DIAPH2: variants seen among roughly 807,000 people sequenced by gnomAD.
DIAPH2 encodes the protein diaphanous related formin 2.
Under a neutral mutation model 92.7 loss-of-function variants are expected in DIAPH2, and 35 were observed. That is an observed-to-expected ratio of 0.38 (90% CI 0.29 to 0.50). DIAPH2 has a LOEUF of 0.50. Ranked by LOEUF, DIAPH2 falls within the 20% of genes least tolerant of loss-of-function variation. The probability of loss-of-function intolerance (pLI) is 0.94; values close to 1 mark genes in which losing one functional copy is unlikely to be tolerated. For synonymous variants in DIAPH2, 301 were observed against 280.4 expected (o/e 1.07, Z -0.73); for missense variants, 701 against 819.5 (o/e 0.86, Z 1.77).
At chrX:96,710,971 A>G (rs1425520694) in intron 1 of DIAPH2, among the ~76,000 whole-genome samples, 1 of 112,190 alleles carries the variant, frequency 8.9e-6, no homozygotes, top group Non-Finnish European at 1.9e-5. Context: ...TTCACTTAGA[A>G]TAATTGTCTC....
Position 96,734,122 on chromosome X carries a change from C to T in DIAPH2, c.133-1636C>T, listed in dbSNP as rs184374156. 2.7e-5 allele frequency among the ~76,000 whole-genome samples: 3 copies of T among 112,331 alleles called. No individual in the cohort carries two copies. The East Asian group carries it at 8.4e-4, about 31-fold the overall frequency. On this transcript the variant is annotated intron_variant, in intron 1 of 26. Coordinates refer to ENST00000324765, the MANE Select transcript of DIAPH2 (RefSeq NM_006729.5). ...CTGTCTCCCATGATTAAACTGTCAA[C>T]ATGTATTCAATTGAGATACAGATTT...
intron 24 of DIAPH2, among the ~76,000 whole-genome samples, chrX:97,371,541 G>C: frequency 9.0e-6 from 1 of 111,545 alleles, no homozygotes; most frequent in South Asian, 3.8e-4. Context: ...AGTATCAGAA[G>C]AGGTTCCTGA....
chrX:97,419,160 A>G (rs2069980920), intron 25 of DIAPH2, among the ~76,000 whole-genome samples: 1 of 111,468 alleles, frequency 9.0e-6, no homozygotes, highest in South Asian at 3.8e-4. Flanking sequence ...CCTGAGCTCA[A>G]GAGATCCTCC....
chrX:97,335,687 A>C (rs779405010), intron 23 of DIAPH2, among the ~76,000 whole-genome samples: 1 of 112,049 alleles, frequency 8.9e-6, no homozygotes, highest in Non-Finnish European at 1.9e-5. Context: ...TACATACTGC[A>C]TACTCTTCTC....
rs185528160 is a variant in DIAPH2, at chrX:97,424,371, A to G, written c.3146-5279A>G. Among the ~76,000 whole-genome samples the G allele has an allele frequency of 4.5e-5, 5 of 111,436 alleles. No individual in the cohort carries two copies. The East Asian group carries it at 1.4e-3, about 31-fold the overall frequency. On this transcript the variant is annotated intron_variant, in intron 25 of 26. Coordinates refer to ENST00000324765, the MANE Select transcript of DIAPH2 (RefSeq NM_006729.5). The stretch of plus-strand genomic sequence containing the variant: ...TTCTTGGGAATGTGGGTGGAAAAAC[A>G]TCTTAGATATTGCAATGGTTTGTAG...
At chrX:97,249,673 G>A (rs1305015392) in intron 23 of DIAPH2, among the ~76,000 whole-genome samples, 2 of 111,911 alleles carry the variant, frequency 1.8e-5, no homozygotes, top group East Asian at 5.6e-4. Flanking sequence ...TCTAGAAAGA[G>A]ACGAACGAAA....
intron 1 of DIAPH2, among the ~76,000 whole-genome samples, chrX:96,722,358 G>GA (rs758634410): frequency 6.0e-4 from 62 of 102,831 alleles, no homozygotes; most frequent in African/African-American, 1.7e-3. Flanking sequence ...CTCCGTCTTA[G>GA]AAAAAAAAAA....
chrX:97,275,829 G>A lies in DIAPH2; in HGVS notation c.2844+27990G>A, dbSNP rs1246252578. On this transcript the variant is annotated intron_variant, in intron 23 of 26. Transcript: ENST00000324765. The stretch of plus-strand genomic sequence containing the variant: ...GGGCAGAGGGGCTCCTCACATCTCA[G>A]ATGATGGGCGGCCAGGCAGAGACGC... 1.1e-4 allele frequency among the ~76,000 whole-genome samples: 12 copies of A among 111,599 alleles called. No individual in the cohort carries two copies. The Admixed American group carries it at 1.1e-3, about 11-fold the overall frequency.
intron 22 of DIAPH2, among the ~76,000 whole-genome samples, chrX:97,161,453 TGCAATGGCAC>T (rs1008208197): frequency 5.5e-5 from 6 of 109,947 alleles, no homozygotes; most frequent in Non-Finnish European, 1.1e-4. Flanking sequence ...CAGGCTGGAG[TGCAATGGCAC>T]GATATTGGCT....
At chrX:97,510,718 T>G (rs1272669425) in intron 26 of DIAPH2, among the ~76,000 whole-genome samples, 1 of 95,910 alleles carries the variant, frequency 1.0e-5, no homozygotes, top group Non-Finnish European at 2.1e-5. Context: ...AGTTTCAGCT[T>G]TCTACATATG....
At chrX:97,215,375 T>G (rs983699451) in intron 22 of DIAPH2, among the ~76,000 whole-genome samples, 1 of 112,080 alleles carries the variant, frequency 8.9e-6, no homozygotes, top group African/African-American at 3.2e-5. Context: ...GTATGAATCA[T>G]TCATGTACAC....
intron 19 of DIAPH2, among the ~76,000 whole-genome samples, chrX:97,091,896 G>A (rs191391792): frequency 6.3e-5 from 7 of 111,725 alleles, no homozygotes; most frequent in South Asian, 7.5e-4. Flanking sequence ...ATGGTGGAGG[G>A]CGGGGGTGTT....
At chrX:97,505,946 C>A in intron 26 of DIAPH2, among the ~76,000 whole-genome samples, 1 of 109,874 alleles carries the variant, frequency 9.1e-6, no homozygotes, top group Non-Finnish European at 1.9e-5. Context: ...TTGGATTGTA[C>A]TGCTTTGATT....
Position 97,247,782 on chromosome X carries a change from C to T in DIAPH2, c.2787C>T (p.Asp929=). ...MEQQIVHLER[D]IKKFPQAENQ... ...AACAAATTGTTCATCTGGAACGTGA[C>T]ATCAAGAAATTCCCCCAAGCAGAAA... Residue 929 remains aspartate, a synonymous_variant, in exon 23 of 27, where the codon GAC becomes GAT. Coordinates refer to ENST00000324765, the MANE Select transcript of DIAPH2 (RefSeq NM_006729.5). 2.5e-6 allele frequency: 3 copies of T among 1,206,565 alleles called. No individual in the cohort carries two copies. The highest frequency in any genetic ancestry group is 1.8e-5 in the South Asian group (1 of 56,639).
intron 24 of DIAPH2, among the ~76,000 whole-genome samples, chrX:97,366,710 C>T (rs2069384711): frequency 9.0e-6 from 1 of 111,596 alleles, no homozygotes; most frequent in African/African-American, 3.3e-5. Flanking sequence ...TTTCTACTTT[C>T]TCTAAGTCTT....
At chrX:97,192,293 C>CAA (rs773665704) in intron 22 of DIAPH2, among the ~76,000 whole-genome samples, 29 of 32,148 alleles carry the variant, frequency 9.0e-4, no homozygotes, top group East Asian at 2.1e-3. Context: ...GACTCCGTCT[C>CAA]AAAAAAAAAA....
chrX:96,877,752 G>C (rs1467262148), intron 4 of DIAPH2, among the ~76,000 whole-genome samples: 1 of 111,943 alleles, frequency 8.9e-6, no homozygotes, highest in Non-Finnish European at 1.9e-5. Context: ...TCAGAGCAAG[G>C]GGAATCTGTG....
intron 20 of DIAPH2, among the ~76,000 whole-genome samples, chrX:97,112,765 C>CTTTCTTTTTTT (rs2066989802): frequency 2.7e-4 from 10 of 37,245 alleles, no homozygotes; most frequent in African/African-American, 1.2e-3. Context: ...CCCTTTCTTT[C>CTTTCTTTTTTT]TTTTTTTTTT....
chrX:97,324,903 G>A (rs1329898977), intron 23 of DIAPH2, among the ~76,000 whole-genome samples: 3 of 110,918 alleles, frequency 2.7e-5, no homozygotes, highest in East Asian at 2.8e-4. Flanking sequence ...TGGTTCAAGC[G>A]ATTCTCCTGC....
Sources: gnomAD v4.1 joint callset for allele counts (sites outside exome capture counted in the v4.1 genomes callset) on GRCh38, gnomAD v4.1.1 for gene constraint, MANE v1.5 for transcripts, NCBI Gene and HGNC (gene_info 2026-07-23, HGNC 2026-07-21) for gene names.